PCDHA7: variants seen among roughly 807,000 people sequenced by gnomAD.
The protein encoded by PCDHA7 is protocadherin alpha-7.
A neutral mutation model predicts 57.2 loss-of-function variants in PCDHA7; 37 were observed. The observed-to-expected ratio is 0.65, with a 90% CI of 0.50 to 0.85. The LOEUF (loss-of-function observed/expected upper bound fraction) is 0.85, where lower values mean the gene tolerates loss of function less well. Ranked by LOEUF, PCDHA7 falls within the 40% of genes least tolerant of loss-of-function variation. The pLI is 0.00. For synonymous variants in PCDHA7, 553 were observed against 558.8 expected, an observed-to-expected ratio of 0.99 and a Z score of 0.15; for missense variants, 1,188 against 1,241.8, an observed-to-expected ratio of 0.96 and a Z score of 0.65.
chr5:140,849,488 T>C, intron 1 of PCDHA7: 2 of 1,592,030 alleles, frequency 1.3e-6, no homozygotes, highest in South Asian at 1.1e-5. Flanking sequence ...CACCCCTGGC[T>C]GGTCATTGTA....
chr5:140,933,388 G>A lies in PCDHA7; in HGVS notation c.2356-45561G>A, dbSNP rs142801424. On this transcript the variant is annotated intron_variant, in intron 1 of 3. Transcript: ENST00000525929. Reference sequence around the variant, plus strand: ...CCCAAATTCCTTGGCTGTTCCTAGAGCCATCTGGTTACCATCTACAGATAT... The same window carrying A: ...CCCAAATTCCTTGGCTGTTCCTAGAACCATCTGGTTACCATCTACAGATAT... Among the ~76,000 whole-genome samples the A allele has an allele frequency of 5.4e-3, 828 of 152,024 alleles. 4 individuals carry two copies. The highest frequency in any genetic ancestry group is 0.019 in the African/African-American group (797 of 41,508).
At chr5:140,838,343 C>T (rs1262099993) in intron 1 of PCDHA7, among the ~76,000 whole-genome samples, 5 of 148,174 alleles carry the variant, frequency 3.4e-5, no homozygotes, top group African/African-American at 1.0e-4. Context: ...CGGCTGGTCT[C>T]GAAATCTGGG....
intron 3 of PCDHA7, among the ~76,000 whole-genome samples, chr5:140,998,973 G>A (rs572810777): frequency 1.3e-5 from 2 of 152,352 alleles, no homozygotes; most frequent in African/African-American, 2.4e-5. Flanking sequence ...TAGTATCCTA[G>A]AAAATAGTAG....
chr5:140,875,982 T>C (rs782696437), intron 1 of PCDHA7: 8 of 1,613,890 alleles, frequency 5.0e-6, no homozygotes, highest in Middle Eastern at 1.6e-4. Context: ...TTTTGACCTA[T>C]GCGTTAAGTC....
intron 1 of PCDHA7, among the ~76,000 whole-genome samples, chr5:140,839,137 C>T (rs1175514541): frequency 6.8e-6 from 1 of 146,496 alleles, no homozygotes; most frequent in Non-Finnish European, 1.5e-5. Context: ...TTCACATAAG[C>T]AGACCAAGTT....
Position 140,871,296 on chromosome 5 carries a change from C to A in PCDHA7, c.2355+34558C>A. ...CGGCAACGCCCACTGAGGGCGCGTG[C>A]GCGCCGGGGAAGCCCACGCTGGTGT... On this transcript the variant is annotated intron_variant, in intron 1 of 3. Coordinates refer to ENST00000525929, the MANE Select transcript of PCDHA7 (RefSeq NM_018910.3). 7 of 1,613,892 alleles carry A rather than the reference C, an allele frequency of 4.3e-6. No homozygotes were observed. The South Asian group carries it at 4.4e-5, about 10-fold the overall frequency.
At chr5:140,914,564 A>AT (rs532022159) in intron 1 of PCDHA7, among the ~76,000 whole-genome samples, 1 of 152,026 alleles carries the variant, frequency 6.6e-6, no homozygotes, top group Non-Finnish European at 1.5e-5. Context: ...AGTTTAGTCC[A>AT]TTTACATTCA....
Position 140,850,525 on chromosome 5 carries a change from A to G in PCDHA7, c.2355+13787A>G, listed in dbSNP as rs2041657187. Reference sequence around the variant, plus strand: ...CTGGTGGAGAGCGGCCAGGCGCCAAAGTCATCGTCGCGGGCGTCAGTGGGT... The same window carrying G: ...CTGGTGGAGAGCGGCCAGGCGCCAAGGTCATCGTCGCGGGCGTCAGTGGGT... On this transcript the variant is annotated intron_variant, in intron 1 of 3. Transcript: ENST00000525929. 5.6e-6 allele frequency: 9 copies of G among 1,598,066 alleles called. 2 individuals are homozygous for G. Among genetic ancestry groups the G allele is most frequent in the African/African-American group, 1.3e-5 (1 of 74,316 alleles).
At chr5:140,876,947 A>G in intron 1 of PCDHA7, 5 of 1,613,496 alleles carry the variant, frequency 3.1e-6, no homozygotes, top group South Asian at 1.1e-5. Flanking sequence ...CTGGTGTCCT[A>G]CTCGCTGGTG....
At chr5:140,929,298 A>G (rs1554206937) in intron 1 of PCDHA7, 26 of 1,591,722 alleles carry the variant, frequency 1.6e-5, no homozygotes, top group Non-Finnish European at 2.1e-5. Context: ...GGAATAGGAA[A>G]GGGGATCACG....
chr5:140,865,624 T>C (rs1554159533), intron 1 of PCDHA7: 1 of 152,176 alleles, frequency 6.6e-6, no homozygotes, highest in East Asian at 1.9e-4. Context: ...TTGTTAGACA[T>C]CATGAAGGGA....
Position 140,923,348 on chromosome 5 carries a change from G to A in PCDHA7, c.2356-55601G>A, listed in dbSNP as rs376610944. Among the ~76,000 whole-genome samples the A allele has an allele frequency of 2.6e-3, 395 of 152,192 alleles. 2 individuals are homozygous for A. Among genetic ancestry groups the A allele is most frequent in the African/African-American group, 9.2e-3 (384 of 41,538 alleles). ...CAAGGACAGTTTGGGCAACATAGTG[G>A]GACCCTATCTTTATAAAATATTTTT... is the stretch of plus-strand genomic sequence containing the variant. On this transcript the variant is annotated intron_variant, in intron 1 of 3. Coordinates refer to ENST00000525929, the MANE Select transcript of PCDHA7 (RefSeq NM_018910.3).
chr5:140,944,857 A>G (rs1288221644), intron 1 of PCDHA7, among the ~76,000 whole-genome samples: 1 of 152,078 alleles, frequency 6.6e-6, no homozygotes, highest in Non-Finnish European at 1.5e-5. Context: ...AATCATCCTT[A>G]TTTATCTTAA....
At chr5:140,972,622 T>C (rs1554234253) in intron 1 of PCDHA7, among the ~76,000 whole-genome samples, 1 of 151,940 alleles carries the variant, frequency 6.6e-6, no homozygotes, top group African/African-American at 2.4e-5. Flanking sequence ...CTGAATGTTG[T>C]TGGCACTCCC....
At chr5:141,000,743 T>TAA (rs527867626) in intron 3 of PCDHA7, among the ~76,000 whole-genome samples, 3 of 145,408 alleles carry the variant, frequency 2.1e-5, no homozygotes, top group Admixed American at 6.9e-5. Context: ...CTCTGTATAT[T>TAA]AAAAAAAAAA....
intron 3 of PCDHA7, among the ~76,000 whole-genome samples, chr5:140,987,981 ACT>A (rs2153869731): frequency 6.6e-6 from 1 of 152,028 alleles, no homozygotes; most frequent in African/African-American, 2.4e-5. Context: ...CTCCATGGAG[ACT>A]CCATCTCTGA....
At chr5:140,838,792 C>T (rs185646460) in intron 1 of PCDHA7, among the ~76,000 whole-genome samples, 1,842 of 152,048 alleles carry the variant, frequency 0.012, 29 homozygotes, top group Non-Finnish European at 0.019. Flanking sequence ...CATGGTGATG[C>T]ATGTCTGTAG....
At chr5:140,847,405 A>T (rs2150400080) in intron 1 of PCDHA7, 5 of 149,702 alleles carry the variant, frequency 3.3e-5, no homozygotes, top group African/African-American at 1.2e-4. Context: ...GGCACAATAA[A>T]CACTCACGGT....
At chr5:140,881,461 C>T (rs1428843491) in intron 1 of PCDHA7, 1 of 635,408 alleles carries the variant, frequency 1.6e-6, no homozygotes, top group Non-Finnish European at 2.0e-6. Context: ...AACCTTAGAG[C>T]ATTGTTGTGG....
Sources: allele counts gnomAD v4.1 joint callset (sites outside exome capture counted in the v4.1 genomes callset), GRCh38; gene constraint gnomAD v4.1.1; transcripts MANE v1.5; gene names NCBI Gene and HGNC (gene_info 2026-07-23, HGNC 2026-07-21).